Variants in ROBO2 observed in about 807,000 individuals in gnomAD.
ROBO2 encodes roundabout guidance receptor 2.
Under a neutral mutation model 160.8 loss-of-function variants are expected in ROBO2, and 53 were observed. That is an observed-to-expected ratio of 0.33 (90% CI 0.26 to 0.41). The LOEUF is 0.41. ROBO2 is among the 10% of genes least tolerant of loss of function. The probability of loss-of-function intolerance (pLI) is 1.00; values close to 1 mark genes in which losing one functional copy is unlikely to be tolerated. For missense variants in ROBO2, 1,577 were observed against 1,722.4 expected, an observed-to-expected ratio of 0.92 and a Z score of 1.49; for synonymous variants, 664 against 611.7, an observed-to-expected ratio of 1.09 and a Z score of -1.26.
At chr3:76,916,308 G>T (rs1412301904) in intron 2 of ROBO2, among the ~76,000 whole-genome samples, 3 of 152,098 alleles carry the variant, frequency 2.0e-5, no homozygotes, top group Non-Finnish European at 4.4e-5. Context: ...AAATGAAATT[G>T]TTAGAAAATG....
intron 2 of ROBO2, among the ~76,000 whole-genome samples, chr3:77,021,782 C>T (rs2062652466): frequency 6.6e-6 from 1 of 152,112 alleles, no homozygotes; most frequent in Non-Finnish European, 1.5e-5. Context: ...ACGTGGGTTT[C>T]TGATAAATCA....
intron 2 of ROBO2, among the ~76,000 whole-genome samples, chr3:77,197,278 CT>C (rs1397535494): frequency 6.6e-6 from 1 of 152,096 alleles, no homozygotes; most frequent in Non-Finnish European, 1.5e-5. Context: ...TCAACTGCTT[CT>C]AGTGTTGGAT....
chr3:76,092,055 A>C (rs2069257314), intron 2 of ROBO2, among the ~76,000 whole-genome samples: 1 of 152,180 alleles, frequency 6.6e-6, no homozygotes, highest in Non-Finnish European at 1.5e-5. Context: ...ATCTAGAGTG[A>C]CAAACTATGG....
intron 2 of ROBO2, among the ~76,000 whole-genome samples, chr3:77,150,729 C>G (rs544968051): frequency 5.1e-4 from 77 of 149,704 alleles, no homozygotes; most frequent in African/African-American, 1.8e-3. Flanking sequence ...GAATGAGAAG[C>G]CTTTTTTTTT....
chr3:77,043,360 T>A (rs1199831849), intron 1 of ROBO2, among the ~76,000 whole-genome samples: 2 of 152,230 alleles, frequency 1.3e-5, no homozygotes, highest in African/African-American at 2.4e-5. Flanking sequence ...TGACAAATGA[T>A]ACATATATTT....
intron 2 of ROBO2, among the ~76,000 whole-genome samples, chr3:76,413,070 G>C (rs2075578093): frequency 6.6e-6 from 1 of 152,212 alleles, no homozygotes; most frequent in Admixed American, 6.5e-5. Flanking sequence ...AAGGCTTGGG[G>C]CTTCCACCCT....
chr3:77,420,912 A>G (rs2153531999), intron 2 of ROBO2, among the ~76,000 whole-genome samples: 1 of 152,290 alleles, frequency 6.6e-6, no homozygotes, highest in East Asian at 1.9e-4. Flanking sequence ...TGATTTTAGT[A>G]TGTGATTATA....
chr3:76,933,388 C>A (rs988346193), intron 2 of ROBO2, among the ~76,000 whole-genome samples: 2 of 152,140 alleles, frequency 1.3e-5, no homozygotes, highest in African/African-American at 2.4e-5. Context: ...TTTTGGAAAA[C>A]AACCTACTAG....
chr3:76,677,339 G>C (rs574615313), intron 2 of ROBO2, among the ~76,000 whole-genome samples: 19 of 152,276 alleles, frequency 1.2e-4, no homozygotes, highest in South Asian at 6.2e-4. Flanking sequence ...ACTTAGTCTA[G>C]GGCAGTGGTC....
At chr3:77,019,855 C>T (rs1175239871) in intron 2 of ROBO2, among the ~76,000 whole-genome samples, 1 of 152,160 alleles carries the variant, frequency 6.6e-6, no homozygotes, top group African/African-American at 2.4e-5. Flanking sequence ...AACATTGCCT[C>T]TTGAAGTTAA....
chr3:76,843,856 G>A (rs192718159), intron 2 of ROBO2, among the ~76,000 whole-genome samples: 3 of 152,082 alleles, frequency 2.0e-5, no homozygotes, highest in African/African-American at 4.8e-5. Flanking sequence ...CTCATGTCTC[G>A]TGAAAATAAA....
chr3:76,476,451 A>G (rs949714621), intron 2 of ROBO2, among the ~76,000 whole-genome samples: 3 of 152,140 alleles, frequency 2.0e-5, no homozygotes, highest in Non-Finnish European at 4.4e-5. Context: ...GATGTCGGAA[A>G]CAACACCTGT....
intron 2 of ROBO2, among the ~76,000 whole-genome samples, chr3:77,402,617 G>A (rs926548274): frequency 1.3e-5 from 2 of 151,804 alleles, no homozygotes; most frequent in Admixed American, 6.6e-5. Context: ...ACTGGTATAT[G>A]ACCTTCTATG....
chr3:76,923,281 T>G (rs945131121), intron 2 of ROBO2, among the ~76,000 whole-genome samples: 2 of 152,212 alleles, frequency 1.3e-5, no homozygotes, highest in African/African-American at 4.8e-5. Flanking sequence ...TATCATCCTT[T>G]CTAAAAACAG....
chr3:76,469,555 C>A (rs1282420023), intron 2 of ROBO2, among the ~76,000 whole-genome samples: 1 of 152,008 alleles, frequency 6.6e-6, no homozygotes. Flanking sequence ...ACTGTCCCCC[C>A]ACACCTCTCT....
chr3:76,324,748 A>G lies in ROBO2; in HGVS notation c.109+387146A>G, dbSNP rs561600965. Among the ~76,000 whole-genome samples the G allele has an allele frequency of 1.9e-4, 29 of 152,328 alleles. 1 individual carries two copies. The East Asian group carries it at 3.3e-3, about 17-fold the overall frequency. On this transcript the variant is annotated intron_variant, in intron 2 of 26. Coordinates refer to the ROBO2 transcript ENST00000487694. ...TAAATATCAAAAAACTTCTCTGGAA[A>G]AAAAAGCACTTTACTACATGCAATT...
At chr3:76,434,418 T>C (rs1357547598) in intron 2 of ROBO2, 2 of 1,566,006 alleles carry the variant, frequency 1.3e-6, no homozygotes, top group East Asian at 2.2e-5. Flanking sequence ...ATCCAGGCCC[T>C]GGGCTGGGTG....
In ROBO2 at chr3:76,709,789, G is replaced by A. The variant is rs533528964; in HGVS notation, c.110-388225G>A. Among the ~76,000 whole-genome samples, 4 of 152,210 alleles carry A rather than the reference G, an allele frequency of 2.6e-5. No homozygotes were observed. In the East Asian group the frequency reaches 7.7e-4, roughly 29 times the overall value. On this transcript the variant is annotated intron_variant, in intron 2 of 26. Coordinates refer to the ROBO2 transcript ENST00000487694. ...TATTTCTTTAAAATGAAGTATATTT[G>A]CAAAAATAAAATCATTAAATAGTAA... is the stretch of plus-strand genomic sequence containing the variant.
intron 2 of ROBO2, among the ~76,000 whole-genome samples, chr3:77,178,380 G>A (rs977709694): frequency 6.6e-6 from 1 of 151,972 alleles, no homozygotes; most frequent in Non-Finnish European, 1.5e-5. Flanking sequence ...TGCCTAGATG[G>A]TTGGCTTTGT....
Sources: gnomAD v4.1 joint callset for allele counts (sites outside exome capture counted in the v4.1 genomes callset) on GRCh38, gnomAD v4.1.1 for gene constraint, MANE v1.5 for transcripts, NCBI Gene and HGNC (gene_info 2026-07-23, HGNC 2026-07-21) for gene names.